Variants in MED26 observed in about 807,000 individuals in gnomAD.
The protein encoded by MED26 is mediator complex subunit 26.
Under a neutral mutation model 43.7 loss-of-function variants are expected in MED26, and 7 were observed. The ratio of observed to expected loss-of-function variants is 0.16; its 90% CI spans 0.09 to 0.30. The LOEUF is 0.30. Ranked by LOEUF, MED26 falls within the 10% of genes least tolerant of loss-of-function variation. The probability of loss-of-function intolerance (pLI) is 1.00; values close to 1 mark genes in which losing one functional copy is unlikely to be tolerated. For synonymous variants in MED26, 375 were observed against 371.1 expected (o/e 1.01, Z -0.12); for missense variants, 784 against 840.6 (o/e 0.93, Z 0.83).
chr19:16,598,563 C>A (rs1264886339), intron 1 of MED26, among the ~76,000 whole-genome samples: 6 of 152,128 alleles, frequency 3.9e-5, no homozygotes. Flanking sequence ...GCATCCAGTA[C>A]TGTTCCCTCC....
chr19:16,627,711 C>T (rs2086287654), intron 1 of MED26, among the ~76,000 whole-genome samples, 161 bp downstream of exon 1: 1 of 152,236 alleles, frequency 6.6e-6, no homozygotes, highest in African/African-American at 2.4e-5. Flanking sequence ...GACCTGCCCC[C>T]GGCCCGGGCC....
chr19:16,625,740 C>T (rs1208991960), intron 1 of MED26, among the ~76,000 whole-genome samples: 1 of 152,166 alleles, frequency 6.6e-6, no homozygotes, highest in Non-Finnish European at 1.5e-5. Context: ...CCATCACCTC[C>T]GCCAGCAATC....
At position 16,577,774 on chromosome 19, in the gene MED26, A is replaced by G. The variant is rs1281410953; in HGVS notation, c.148-92T>C. ...TGGTGGGAAGTGGCCCTGACAGTGAAATGACCCGGTTCCCACTGAGCCCTA... is the reference window on the plus strand; with the variant it reads ...TGGTGGGAAGTGGCCCTGACAGTGAGATGACCCGGTTCCCACTGAGCCCTA... On this transcript the variant is annotated intron_variant, in intron 2 of 2. Coordinates refer to ENST00000263390, the MANE Select transcript of MED26 (RefSeq NM_004831.5). This position sits in a 1 kb window ranked among gnomAD's most constrained non-coding sequence, Gnocchi z 8.1. The G allele has an allele frequency of 2.0e-6, 2 of 1,022,694 alleles. No individual in the cohort carries two copies. The allele number at this position is 1,022,694 out of a possible 1,614,324, so 63.4% of individuals were successfully genotyped here. A position where few individuals can be genotyped will look rare whatever the true frequency, so the allele number is the denominator to read the frequency against.
Position 16,627,981 on chromosome 19 carries a change from G to T in MED26, c.-38C>A. The T allele has an allele frequency of 7.4e-7, 1 of 1,346,158 alleles. No individual in the cohort carries two copies. The highest frequency in any genetic ancestry group is 1.5e-5 in the African/African-American group (1 of 66,484). The allele number at this position is 1,346,158 out of a possible 1,614,324, so 83.4% of individuals were successfully genotyped here. A position where few individuals can be genotyped will look rare whatever the true frequency, so the allele number is the denominator to read the frequency against. On this transcript the variant is annotated 5_prime_UTR_variant, in exon 1 of 3. Coordinates refer to ENST00000263390, the MANE Select transcript of MED26 (RefSeq NM_004831.5). ...GCGGGGGGTTGCGGCCGGGCCAGCGGGCGGGCGGGCTGAGGCGGGGGACGG... is the reference window on the plus strand; with the variant it reads ...GCGGGGGGTTGCGGCCGGGCCAGCGTGCGGGCGGGCTGAGGCGGGGGACGG...
intron 1 of MED26, among the ~76,000 whole-genome samples, chr19:16,583,339 T>G (rs1207879853): frequency 6.6e-6 from 1 of 152,224 alleles, no homozygotes; most frequent in Admixed American, 6.5e-5. Context: ...ACTTCTCCAC[T>G]AGGGACCCCT....
chr19:16,578,111 C>T, intron 2 of MED26: 1 of 575,814 alleles, frequency 1.7e-6, no homozygotes, highest in South Asian at 2.2e-5. Flanking sequence ...TCCCCACGTG[C>T]CCACGAAGTG....
chr19:16,591,047 TAAAATAAATAAATAAA>T (rs1468897474), intron 1 of MED26, among the ~76,000 whole-genome samples: 2 of 107,912 alleles, frequency 1.9e-5, no homozygotes, highest in African/African-American at 7.5e-5. Context: ...CAAAATAAAA[TAAAATAAATAAATAAA>T]TAAATAAATA....
In MED26 at chr19:16,576,956, C is replaced by A; in HGVS notation, c.874G>T (p.Ala292Ser). The change falls in exon 3 of 3, where the codon GCA becomes TCA. Residue 292 changes from alanine (A) to serine (S), a missense_variant. Transcript: ENST00000263390. The surrounding 1 kb of genome is among the most constrained non-coding windows in gnomAD (Gnocchi z 6.8). ...GGGCTGGGCACGGAGCCCTTGGGTG[C>A]ATACAAGCTCTGCTGCCGGGCAAAG... ...GSFARQQSLY[A>S]PKGSVPSPSP... 1 of 1,597,094 alleles carries A rather than the reference C, an allele frequency of 6.3e-7. No individual in the cohort carries two copies. The highest frequency in any genetic ancestry group is 8.5e-7 in the Non-Finnish European group (1 of 1,169,670).
chr19:16,591,403 T>C (rs1216020491), intron 1 of MED26, among the ~76,000 whole-genome samples: 1 of 152,170 alleles, frequency 6.6e-6, no homozygotes, highest in African/African-American at 2.4e-5. Context: ...AGGCACCTGC[T>C]TTTTCCTTCT....
chr19:16,627,815 G>C (rs2086288827), intron 1 of MED26, 57 bp downstream of exon 1: 3 of 1,323,276 alleles, frequency 2.3e-6, no homozygotes, highest in African/African-American at 3.0e-5. Context: ...GTACAGGAGA[G>C]GGGGAGGGTC....
chr19:16,580,014 T>G (rs2086036682), intron 1 of MED26, among the ~76,000 whole-genome samples: 1 of 152,160 alleles, frequency 6.6e-6, no homozygotes, highest in Admixed American at 6.5e-5. Flanking sequence ...GTGGGACACT[T>G]AGGCACTTTC....
At chr19:16,616,670 A>C (rs1166116016) in intron 1 of MED26, among the ~76,000 whole-genome samples, 3 of 152,216 alleles carry the variant, frequency 2.0e-5, no homozygotes, top group Non-Finnish European at 4.4e-5. Flanking sequence ...ATCCAGGCAC[A>C]GGAGAGAGCA....
chr19:16,577,541 G>T lies in MED26; in HGVS notation c.289C>A (p.Leu97Met). 1.2e-6 allele frequency: 2 copies of T among 1,606,660 alleles called. No homozygotes were observed. The change falls in exon 3 of 3, where the codon CTG (leucine) becomes ATG (methionine). Residue 97 changes from leucine to methionine, a missense_variant. Leu to Met is a conservative substitution (Grantham distance 15, BLOSUM62 2). Transcript: ENST00000263390. The surrounding 1 kb of genome is among the most constrained non-coding windows in gnomAD (Gnocchi z 8.1). Reference protein sequence around the residue: ...AHQHEAALRGLAGATGSANGG... With the variant: ...AHQHEAALRGMAGATGSANGG... ...TTGGCAGAGCCGGTGGCCCCCGCCA[G>T]CCCCCGCAGCGCCGCCTCATGCTGG...
At position 16,627,929 on chromosome 19, in the gene MED26, C is replaced by T. The variant is rs1280943125; in HGVS notation, c.15G>A (p.Pro5=). The T allele has an allele frequency of 2.7e-6, 4 of 1,486,278 alleles. No homozygotes were observed. Among genetic ancestry groups the T allele is most frequent in the Admixed American group, 2.2e-5 (1 of 46,008 alleles). The allele number at this position is 1,486,278 out of a possible 1,614,324, so 92.1% of individuals were successfully genotyped here. A position where few individuals can be genotyped will look rare whatever the true frequency, so the allele number is the denominator to read the frequency against. MTAA[P]ASPQQIRDRL... ...GGTCCCTGATCTGCTGCGGAGACGC[C>T]GGAGCCGCTGTCATTGCCTGGGCGA... Residue 5 remains proline (P), a synonymous_variant, in exon 1 of 3, where the codon CCG becomes CCA. Transcript: ENST00000263390.
intron 1 of MED26, among the ~76,000 whole-genome samples, chr19:16,605,749 G>A (rs1336642224): frequency 6.6e-6 from 1 of 152,214 alleles, no homozygotes; most frequent in Non-Finnish European, 1.5e-5. Context: ...GGGAGATGCT[G>A]GGCAAGGAGG....
Position 16,598,852 on chromosome 19 carries a change from T to C in MED26, c.73-20443A>G, listed in dbSNP as rs545437542. ...TGACATCAAATAATAATGAGTTCACTGGCTGCTGAAAACCAGGAGAATGTT... is the reference window on the plus strand; with the variant it reads ...TGACATCAAATAATAATGAGTTCACCGGCTGCTGAAAACCAGGAGAATGTT... On this transcript the variant is annotated intron_variant, in intron 1 of 2. Coordinates refer to ENST00000263390, the MANE Select transcript of MED26 (RefSeq NM_004831.5). Among the ~76,000 whole-genome samples, 376 of 152,300 alleles carry C rather than the reference T, an allele frequency of 2.5e-3. 3 individuals are homozygous for C. Among genetic ancestry groups the C allele is most frequent in the Non-Finnish European group, 2.8e-3 (188 of 68,020 alleles).
chr19:16,616,861 G>A (rs1016251460), intron 1 of MED26, among the ~76,000 whole-genome samples: 1 of 152,158 alleles, frequency 6.6e-6, no homozygotes, highest in African/African-American at 2.4e-5. Context: ...CAGGTAGGCA[G>A]ACACCCCCCC....
chr19:16,575,741 T>C lies in MED26; in HGVS notation c.*286A>G. Reference sequence around the variant, plus strand: ...CTTTGGGGGTGAGGGACTAACGCTTTTTATAGCTGGTTTGCTATAGAGTTC... The same window carrying C: ...CTTTGGGGGTGAGGGACTAACGCTTCTTATAGCTGGTTTGCTATAGAGTTC... On this transcript the variant is annotated 3_prime_UTR_variant, in exon 3 of 3. Transcript: ENST00000263390. 1 of 413,040 alleles carries C rather than the reference T, an allele frequency of 2.4e-6. No individual in the cohort carries two copies. The allele number at this position is 413,040 out of a possible 1,614,324, so 25.6% of individuals were successfully genotyped here.
Position 16,613,418 on chromosome 19 carries a change from G to A in MED26, c.72+14454C>T, listed in dbSNP as rs554507262. Among the ~76,000 whole-genome samples, 5 of 152,216 alleles carry A rather than the reference G, an allele frequency of 3.3e-5. No individual in the cohort carries two copies. The South Asian group carries it at 6.2e-4, about 19-fold the overall frequency. On this transcript the variant is annotated intron_variant, in intron 1 of 2. Coordinates refer to ENST00000263390, the MANE Select transcript of MED26 (RefSeq NM_004831.5). ...AGATGTCAGAGGCCGTGTCTGGCTG[G>A]GGAAGGGACACGGGATCCTCTGCAC... is the stretch of plus-strand genomic sequence containing the variant.
Sources: gnomAD v4.1 joint callset for allele counts (sites outside exome capture counted in the v4.1 genomes callset) on GRCh38, gnomAD v4.1.1 for gene constraint, Gnocchi (gnomAD v3.1) non-coding constraint, MANE v1.5 for transcripts, NCBI Gene and HGNC (gene_info 2026-07-23, HGNC 2026-07-21) for gene names.